The following PTPN13 variants were observed in gnomAD, a reference collection of about 807,000 sequenced individuals.
PTPN13 encodes protein tyrosine phosphatase non-receptor type 13.
Under a neutral mutation model 284.0 loss-of-function variants are expected in PTPN13, and 191 were observed. The observed-to-expected ratio is 0.67, with a 90% CI of 0.60 to 0.76. The LOEUF (loss-of-function observed/expected upper bound fraction) is 0.76, where lower values mean the gene tolerates loss of function less well. Ranked by LOEUF, PTPN13 falls within the 30% of genes least tolerant of loss-of-function variation. The pLI, the probability that PTPN13 is intolerant of heterozygous loss-of-function variation, is 0.00. For missense variants in PTPN13, 2,797 were observed against 2,939.9 expected, an observed-to-expected ratio of 0.95 and a Z score of 1.12; for synonymous variants, 986 against 1,022.3, an observed-to-expected ratio of 0.96 and a Z score of 0.68.
chr4:86,751,490 T>C (rs561798302), intron 19 of PTPN13, among the ~76,000 whole-genome samples: 26 of 152,234 alleles, frequency 1.7e-4, no homozygotes, highest in African/African-American at 3.4e-4. Context: ...TCTGGCTTTT[T>C]ATATTTTTTT....
At position 86,766,471 on chromosome 4, in the gene PTPN13, G is replaced by A. The variant is rs954758368; in HGVS notation, c.4283G>A (p.Gly1428Glu). 2 of 1,610,436 alleles carry A rather than the reference G, an allele frequency of 1.2e-6. No homozygotes were observed. Among genetic ancestry groups the A allele is most frequent in the East Asian group, 4.5e-5 (2 of 44,778 alleles). Residue 1428 changes from glycine to glutamate, a missense_variant, in exon 27 of 48, where the codon GGA becomes GAA. By Grantham distance (98) the Gly-to-Glu change is moderately conservative. Transcript: ENST00000411767. ...VLAVNGVSLE[G>E]ATHKQAVETL... ...GCTGTCAATGGAGTTAGTCTAGAAG[G>A]AGCCACCCATAAGCAAGCTGTGGAA...
At chr4:86,673,847 C>T (rs1237747655) in intron 3 of PTPN13, among the ~76,000 whole-genome samples, 5 of 152,044 alleles carry the variant, frequency 3.3e-5, no homozygotes, top group South Asian at 2.1e-4. Context: ...AGCTGGATTA[C>T]GGGCACATGC....
At chr4:86,689,523 A>G (rs965290075) in intron 5 of PTPN13, 15 of 612,124 alleles carry the variant, frequency 2.5e-5, no homozygotes, top group Non-Finnish European at 4.3e-5. Context: ...ACCTAGAAAA[A>G]ATGTATTAAC....
At chr4:86,724,736 C>T (rs1269627256) in intron 10 of PTPN13, among the ~76,000 whole-genome samples, 3 of 151,940 alleles carry the variant, frequency 2.0e-5, no homozygotes, top group Non-Finnish European at 4.4e-5. Context: ...TTGGTGCAGA[C>T]ACATCTTAAC....
At chr4:86,645,965 T>C (rs1264199682) in intron 2 of PTPN13, among the ~76,000 whole-genome samples, 1 of 152,122 alleles carries the variant, frequency 6.6e-6, no homozygotes, top group Non-Finnish European at 1.5e-5. Context: ...AATAAACAAC[T>C]AGATCAATTG....
chr4:86,704,582 G>A (rs145977670), intron 7 of PTPN13, among the ~76,000 whole-genome samples: 1 of 152,212 alleles, frequency 6.6e-6, no homozygotes, highest in East Asian at 1.9e-4. Context: ...TTCTTGTAGA[G>A]CCTTATTTGT....
chr4:86,661,985 C>T (rs1726543213), intron 2 of PTPN13, among the ~76,000 whole-genome samples: 1 of 152,144 alleles, frequency 6.6e-6, no homozygotes, highest in Non-Finnish European at 1.5e-5. Context: ...TTTGTCTGCA[C>T]TTGCAAAAAT....
chr4:86,668,866 CAA>C (rs1727399749), intron 2 of PTPN13, among the ~76,000 whole-genome samples: 1 of 151,130 alleles, frequency 6.6e-6, no homozygotes, highest in Non-Finnish European at 1.5e-5. Flanking sequence ...CTCAGCCTCC[CAA>C]AGTGCTGGGA....
At chr4:86,662,097 G>A (rs1253390926) in intron 2 of PTPN13, among the ~76,000 whole-genome samples, 7 of 152,172 alleles carry the variant, frequency 4.6e-5, no homozygotes, top group African/African-American at 1.7e-4. Context: ...CTGGCAAAAT[G>A]TAATGTGGCA....
intron 17 of PTPN13, among the ~76,000 whole-genome samples, chr4:86,747,537 A>AGCAGCAGCG (rs1358080528): frequency 5.6e-5 from 8 of 141,678 alleles, no homozygotes; most frequent in African/African-American, 2.3e-4. Context: ...TAATAGTAGC[A>AGCAGCAGCG]GCAGCAGCAG....
intron 1 of PTPN13, among the ~76,000 whole-genome samples, chr4:86,627,549 G>C (rs925983014): frequency 4.6e-5 from 7 of 151,150 alleles, no homozygotes; most frequent in African/African-American, 1.7e-4. Context: ...AGGCATGTTT[G>C]ACATATAATA....
intron 22 of PTPN13, 38 bp from the exon 23 acceptor site, chr4:86,758,904 C>A (rs773214361): frequency 1.9e-6 from 3 of 1,599,130 alleles, no homozygotes; most frequent in Non-Finnish European, 2.6e-6. Flanking sequence ...ATAAATGTAT[C>A]TTTGTTGTTG....
intron 24 of PTPN13, among the ~76,000 whole-genome samples, chr4:86,763,567 C>A (rs532564043): frequency 1.3e-5 from 2 of 152,246 alleles, no homozygotes; most frequent in East Asian, 3.9e-4. Flanking sequence ...TATTTATAGT[C>A]TAAATTCTTC....
intron 40 of PTPN13, among the ~76,000 whole-genome samples, chr4:86,790,450 G>C (rs747214019): frequency 7.9e-5 from 12 of 152,000 alleles, no homozygotes; most frequent in Non-Finnish European, 2.9e-5. Context: ...ATGATGGAGA[G>C]GAAAGGAGAA....
chr4:86,716,825 T>A (rs1284805400), intron 8 of PTPN13, among the ~76,000 whole-genome samples, 199 bp from the exon 9 acceptor site: 1 of 152,238 alleles, frequency 6.6e-6, no homozygotes, highest in African/African-American at 2.4e-5. Flanking sequence ...TGTAGTCCTT[T>A]TCATTACAGA....
intron 2 of PTPN13, among the ~76,000 whole-genome samples, chr4:86,660,560 T>G (rs567833703): frequency 3.3e-4 from 50 of 152,178 alleles, no homozygotes; most frequent in Non-Finnish European, 6.2e-4. Flanking sequence ...ATTTTGTTGA[T>G]TAAGAGGGTG....
chr4:86,753,188 T>C (rs114530887), intron 20 of PTPN13, 123 bp downstream of exon 20: 7,856 of 594,880 alleles, frequency 0.013, 80 homozygotes, highest in Non-Finnish European at 0.017. Context: ...ACATTGAAGT[T>C]AAAGGAGAGT....
chr4:86,637,256 A>C (rs913566634), intron 2 of PTPN13, among the ~76,000 whole-genome samples: 6 of 151,804 alleles, frequency 4.0e-5, no homozygotes, highest in African/African-American at 1.4e-4. Context: ...AGGTACAAGG[A>C]GGAACTGGTA....
chr4:86,626,488 T>C (rs1331064248), intron 1 of PTPN13, among the ~76,000 whole-genome samples: 4 of 152,150 alleles, frequency 2.6e-5, no homozygotes, highest in Non-Finnish European at 5.9e-5. Context: ...TTTTTGTAAC[T>C]ATATTAGGCA....
Sources: allele counts gnomAD v4.1 joint callset (sites outside exome capture counted in the v4.1 genomes callset), GRCh38; gene constraint gnomAD v4.1.1; transcripts MANE v1.5; gene names NCBI Gene and HGNC (gene_info 2026-07-23, HGNC 2026-07-21).